Variants in ZNF275 observed in about 807,000 individuals in gnomAD.
ZNF275 encodes the protein zinc finger protein 275.
A neutral mutation model predicts 4.3 loss-of-function variants in ZNF275; 4 were observed. The ratio of observed to expected loss-of-function variants is 0.93; its 90% CI spans 0.46 to 2.13. ZNF275 has a LOEUF of 2.13. ZNF275 is among the 30% of genes most tolerant of loss of function. The pLI is 0.02. For missense variants in ZNF275, 352 were observed against 397.1 expected (o/e 0.89, Z 0.97); for synonymous variants, 173 against 166.9 (o/e 1.04, Z -0.28).
rs1556962436 is a variant in ZNF275 at position 153,352,219 on chromosome X, C to T, written c.*4244C>T. 1 of 111,718 alleles carries T rather than the reference C, an allele frequency of 9.0e-6. No homozygotes were observed. The highest frequency in any genetic ancestry group is 3.3e-5 in the African/African-American group (1 of 30,676). 9.2% of individuals were successfully genotyped at this position (111,718 alleles called of 1,213,427 possible). A position where few individuals can be genotyped will look rare whatever the true frequency, so the allele number is the denominator to read the frequency against. ...CTACAGACTCCTTGACTTGAGCCAG[C>T]TTGAGTGGGTCTCTACTCTTTTCTA... is the stretch of plus-strand genomic sequence containing the variant. On this transcript the variant is annotated 3_prime_UTR_variant, in exon 4 of 4. Transcript: ENST00000650114.
rs782416354 is a variant in ZNF275, at chrX:153,345,570, G to A, written c.82G>A (p.Val28Met). The change falls in exon 3 of 4, where the codon GTG (valine) becomes ATG (methionine). Residue 28 changes from valine to methionine, a missense_variant. Physicochemically the swap from Val to Met is conservative, Grantham distance 21 (BLOSUM62 1). Coordinates refer to ENST00000650114, the MANE Select transcript of ZNF275 (RefSeq NM_001367757.1). Reference sequence around the variant, plus strand: ...GGTCCCTCACCTGGCACAAGGACAAGTGCTACTGGTGTCAGACCCATCGCC... The same window carrying A: ...GGTCCCTCACCTGGCACAAGGACAAATGCTACTGGTGTCAGACCCATCGCC... The part of the protein sequence containing the change: ...ALVPHLAQGQ[V>M]LLVSDPSPNT... The A allele has an allele frequency of 3.3e-6, 4 of 1,210,096 alleles. No homozygotes were observed. Among genetic ancestry groups the A allele is most frequent in the African/African-American group, 1.7e-5 (1 of 57,542 alleles).
Position 153,340,504 on chromosome X carries a change from C to G in ZNF275, c.31+3794C>G, listed in dbSNP as rs2088474729. 2.7e-5 allele frequency among the ~76,000 whole-genome samples: 3 copies of G among 113,101 alleles called. No individual in the cohort carries two copies. The Admixed American group carries it at 2.8e-4, about 10-fold the overall frequency. Reference sequence around the variant, plus strand: ...CTCCCCATTGACTCCTTGGCCTCAGCCCTTGGCTTCTCACATGCTGAGCAG... The same window carrying G: ...CTCCCCATTGACTCCTTGGCCTCAGGCCTTGGCTTCTCACATGCTGAGCAG... On this transcript the variant is annotated intron_variant, in intron 2 of 3. Transcript: ENST00000650114.
intron 2 of ZNF275, chrX:153,344,618 T>G (rs782576902): frequency 2.7e-6 from 1 of 373,737 alleles, no homozygotes; most frequent in African/African-American, 2.6e-5. Flanking sequence ...GCGCTGCCCC[T>G]GCCTCATTCT....
Position 153,347,963 on chromosome X carries a change from C to G in ZNF275, c.1278C>G (p.Thr426=). ...RRSALQKHQP[T]HHE is the part of the protein sequence containing the mutation. ...CGGCACTGCAGAAGCATCAGCCAAC[C>G]CACCACGAGTAGAAACGCCCTGTGG... is the stretch of plus-strand genomic sequence containing the variant. Residue 426 remains threonine (T), a synonymous_variant, in exon 4 of 4, where the codon ACC becomes ACG. Transcript: ENST00000650114. 1 of 1,122,138 alleles carries G rather than the reference C, an allele frequency of 8.9e-7. No individual in the cohort carries two copies. Among genetic ancestry groups the G allele is most frequent in the African/African-American group, 1.8e-5 (1 of 55,183 alleles). 92.5% of individuals were successfully genotyped at this position (1,122,138 alleles called of 1,213,427 possible). A position where few individuals can be genotyped will look rare whatever the true frequency, so the allele number is the denominator to read the frequency against.
chrX:153,334,881 C>T (rs1333589522), intron 1 of ZNF275, among the ~76,000 whole-genome samples: 1 of 37,946 alleles, frequency 2.6e-5, no homozygotes, highest in Non-Finnish European at 5.1e-5. Flanking sequence ...TGGGGGGGGG[C>T]GGTTAAGCCT....
rs1421098729 is a variant in ZNF275, at chrX:153,351,226, C to T, written c.*3251C>T. 8.1e-6 allele frequency: 1 copy of T among 123,725 alleles called. No individual in the cohort carries two copies. The highest frequency in any genetic ancestry group is 3.2e-5 in the African/African-American group (1 of 30,885). The allele number at this position is 123,725 out of a possible 1,213,427, so 10.2% of individuals were successfully genotyped here. On this transcript the variant is annotated 3_prime_UTR_variant, in exon 4 of 4. Coordinates refer to ENST00000650114, the MANE Select transcript of ZNF275 (RefSeq NM_001367757.1). ...TGTTCATGGTGTTTGCGGTGAAACC[C>T]GTGTTCTCTTTCAATGCAGTCTGTG...
chrX:153,335,656 G>T (rs2088440984), intron 1 of ZNF275: 1 of 110,134 alleles, frequency 9.1e-6, no homozygotes, highest in Non-Finnish European at 1.9e-5. Flanking sequence ...CTCAGAGATA[G>T]TGGGCTCCCA....
At chrX:153,338,866 G>A (rs73245863) in intron 2 of ZNF275, among the ~76,000 whole-genome samples, 20,868 of 110,119 alleles carry the variant, frequency 0.19, 1,478 homozygotes, top group South Asian at 0.31. Context: ...CCCCCAGTCT[G>A]TCTTCTGGCT....
At chrX:153,346,288 C>G (rs1556961535) in intron 3 of ZNF275, among the ~76,000 whole-genome samples, 2 of 108,578 alleles carry the variant, frequency 1.8e-5, no homozygotes, top group African/African-American at 6.8e-5. Context: ...TGTTTGGGGC[C>G]CCAGCTGAGC....
At position 153,348,341 on chromosome X, in the gene ZNF275, A is replaced by G. The variant is rs1024107063; in HGVS notation, c.*366A>G. ...AGAGCTGTTCCACGATGGCGTCCTC[A>G]TAATGTGATCCCAGCTTTCCTGAAG... On this transcript the variant is annotated 3_prime_UTR_variant, in exon 4 of 4. Transcript: ENST00000650114. The G allele has an allele frequency of 8.1e-6, 1 of 123,629 alleles. No homozygotes were observed. Among genetic ancestry groups the G allele is most frequent in the Non-Finnish European group, 1.9e-5 (1 of 53,948 alleles). 10.2% of individuals were successfully genotyped at this position (123,629 alleles called of 1,213,427 possible). A position where few individuals can be genotyped will look rare whatever the true frequency, so the allele number is the denominator to read the frequency against.
rs1556961983 is a variant in ZNF275, at chrX:153,348,688, G to C, written c.*713G>C. 1 of 122,238 alleles carries C rather than the reference G, an allele frequency of 8.2e-6. No individual in the cohort carries two copies. Among genetic ancestry groups the C allele is most frequent in the Non-Finnish European group, 1.9e-5 (1 of 53,051 alleles). The allele number at this position is 122,238 out of a possible 1,213,427, so 10.1% of individuals were successfully genotyped here. ...GGTCGCTCAGTGACGATCCCTTCAT[G>C]AGGCTCTCATTAGAAATTTTCTCCC... On this transcript the variant is annotated 3_prime_UTR_variant, in exon 4 of 4. Coordinates refer to ENST00000650114, the MANE Select transcript of ZNF275 (RefSeq NM_001367757.1).
chrX:153,343,035 A>C (rs1004710637), intron 2 of ZNF275, among the ~76,000 whole-genome samples: 18 of 112,507 alleles, frequency 1.6e-4, no homozygotes, highest in African/African-American at 5.5e-4. Context: ...TGGGGCAATG[A>C]TAGGGCTCCC....
Position 153,348,652 on chromosome X carries a change from G to A in ZNF275, c.*677G>A, listed in dbSNP as rs1205483680. The A allele has an allele frequency of 2.5e-5, 3 of 122,256 alleles. No homozygotes were observed. Among genetic ancestry groups the A allele is most frequent in the African/African-American group, 9.9e-5 (3 of 30,452 alleles). The allele number at this position is 122,256 out of a possible 1,213,427, so 10.1% of individuals were successfully genotyped here. A position where few individuals can be genotyped will look rare whatever the true frequency, so the allele number is the denominator to read the frequency against. On this transcript the variant is annotated 3_prime_UTR_variant, in exon 4 of 4. Coordinates refer to ENST00000650114, the MANE Select transcript of ZNF275 (RefSeq NM_001367757.1). ...AAGACACACCCAGTCACTTCCATCC[G>A]AGCTCTGCACGGTCGCTCAGTGACG...
chrX:153,337,586 G>C, intron 2 of ZNF275, among the ~76,000 whole-genome samples: 1 of 112,454 alleles, frequency 8.9e-6, no homozygotes, highest in African/African-American at 3.2e-5. Context: ...AGGAAGATTT[G>C]TTCACTCACA....
At chrX:153,343,279 G>A (rs1556961171) in intron 2 of ZNF275, 2 of 206,080 alleles carry the variant, frequency 9.7e-6, no homozygotes, top group Admixed American at 7.0e-5. Flanking sequence ...GATTTTGTGG[G>A]CCTTGAGCCA....
intron 3 of ZNF275, 44 bp from the exon 4 acceptor site, chrX:153,346,775 C>T (rs782290293): frequency 1.1e-5 from 12 of 1,124,508 alleles, no homozygotes; most frequent in Non-Finnish European, 1.3e-5. Flanking sequence ...CCCTTCCCTC[C>T]TTCATCCTCT....
At chrX:153,345,341 C>G (rs2088505804) in intron 2 of ZNF275, 179 bp from the exon 3 acceptor site, 1 of 366,185 alleles carries the variant, frequency 2.7e-6, no homozygotes, top group Admixed American at 4.4e-5. Context: ...CTGCCTTCCT[C>G]AAGCTCCTGG....
intron 1 of ZNF275, among the ~76,000 whole-genome samples, chrX:153,334,911 G>C (rs2088435338): frequency 9.3e-6 from 1 of 107,991 alleles, no homozygotes; most frequent in Non-Finnish European, 1.9e-5. Context: ...GGGGAGAATG[G>C]GGGCCGGTAG....
rs782000537 is a variant in ZNF275, at chrX:153,347,939, G to A, written c.1254G>A (p.Ser418=). The part of the protein sequence containing the change: ...SQCGRVFKRR[S]ALQKHQPTHH... ...GTGGCCGCGTGTTCAAGAGGCGCTC[G>A]GCACTGCAGAAGCATCAGCCAACCC... The change falls in exon 4 of 4, where the codon TCG becomes TCA. Residue 418 remains serine (S), a synonymous_variant. Coordinates refer to ENST00000650114, the MANE Select transcript of ZNF275 (RefSeq NM_001367757.1). 5 of 1,144,668 alleles carry A rather than the reference G, an allele frequency of 4.4e-6. No homozygotes were observed. The highest frequency in any genetic ancestry group is 2.1e-5 in the South Asian group (1 of 47,795). The allele number at this position is 1,144,668 out of a possible 1,213,427, so 94.3% of individuals were successfully genotyped here. A position where few individuals can be genotyped will look rare whatever the true frequency, so the allele number is the denominator to read the frequency against.
Sources: gnomAD v4.1 joint callset for allele counts (sites outside exome capture counted in the v4.1 genomes callset) on GRCh38, gnomAD v4.1.1 for gene constraint, MANE v1.5 for transcripts, NCBI Gene and HGNC (gene_info 2026-07-23, HGNC 2026-07-21) for gene names.